Variants in AMZ2 observed in about 807,000 individuals in gnomAD.
AMZ2 encodes the protein archaemetzincin-2.
In AMZ2, 26 loss-of-function variants were observed where a neutral mutation model predicts 36.7. The observed-to-expected ratio is 0.71, with a 90% confidence interval of 0.52 to 0.98. AMZ2 has a LOEUF of 0.98. Among genes scored for constraint, AMZ2 ranks in the 50% least tolerant of loss-of-function variants. The probability of loss-of-function intolerance (pLI) is 0.00; values close to 1 mark genes in which losing one functional copy is unlikely to be tolerated. For missense variants in AMZ2, 394 were observed against 430.5 expected (o/e 0.92, Z 0.75); for synonymous variants, 144 against 149.1 (o/e 0.97, Z 0.25).
In AMZ2 at chr17:68,251,057, C is replaced by G. The variant is rs535829097; in HGVS notation, c.465C>G (p.Ile155Met). ...GTATTTCTTTTTAAATAGGGGACAT[C>G]CTGAAGTTCTTGAAAAAGAAGAAAC... ...THNLQIHAGD[I>M]LKFLKKKKPE... The change falls in exon 4 of 7, where the codon ATC (isoleucine) becomes ATG (methionine). Residue 155 changes from isoleucine (I) to methionine (M), a missense_variant. Coordinates refer to ENST00000359904, the MANE Select transcript of AMZ2 (RefSeq NM_016627.5). The G allele has an allele frequency of 6.2e-7, 1 of 1,610,716 alleles. No homozygotes were observed. Among genetic ancestry groups the G allele is most frequent in the African/African-American group, 1.3e-5 (1 of 74,658 alleles).
intron 4 of AMZ2, among the ~76,000 whole-genome samples, chr17:68,251,621 C>T (rs1270793198): frequency 2.0e-5 from 3 of 151,928 alleles, no homozygotes; most frequent in Non-Finnish European, 4.4e-5. Context: ...GAGCCATGAT[C>T]GAGCCACTGC....
intron 1 of AMZ2, among the ~76,000 whole-genome samples, chr17:68,232,623 G>A (rs559875520): frequency 2.6e-5 from 4 of 151,752 alleles, no homozygotes; most frequent in Admixed American, 1.3e-4. Flanking sequence ...TGGGTGGTTC[G>A]CTTGAAGTCA....
At chr17:68,214,903 T>TC (rs2073158164) in intron 1 of AMZ2, among the ~76,000 whole-genome samples, 1 of 152,052 alleles carries the variant, frequency 6.6e-6, no homozygotes, top group Admixed American at 6.6e-5. Flanking sequence ...CCTGCTTCAG[T>TC]CCCGCAAATA....
At chr17:68,254,714 C>A in intron 5 of AMZ2, 147 bp downstream of exon 5, 1 of 701,986 alleles carries the variant, frequency 1.4e-6, no homozygotes, top group Non-Finnish European at 2.3e-6. Context: ...CTGAAATGAT[C>A]AGTAAAACAA....
chr17:68,247,826 G>C, upstream of AMZ2: 1 of 985,594 alleles, frequency 1.0e-6, no homozygotes. Context: ...GACTGCGGGG[G>C]TGGACAGCTG....
intron 1 of AMZ2, among the ~76,000 whole-genome samples, chr17:68,242,603 G>A (rs1216311600): frequency 1.3e-5 from 2 of 151,950 alleles, no homozygotes; most frequent in African/African-American, 2.4e-5. Flanking sequence ...AGTAGAGATG[G>A]GGTTTCACCT....
intron 4 of AMZ2, among the ~76,000 whole-genome samples, chr17:68,253,523 C>T (rs2074649106): frequency 2.6e-5 from 4 of 152,068 alleles, no homozygotes; most frequent in Admixed American, 1.3e-4. Context: ...GGTCACCAGA[C>T]ACTAGTGACA....
chr17:68,216,256 C>G (rs2073190129), intron 1 of AMZ2, among the ~76,000 whole-genome samples: 2 of 152,256 alleles, frequency 1.3e-5, no homozygotes, highest in Admixed American at 6.5e-5. Flanking sequence ...ACCTCAGCCC[C>G]CCTAGGAGCT....
At chr17:68,232,425 G>A (rs1555731468) in intron 1 of AMZ2, among the ~76,000 whole-genome samples, 1 of 150,230 alleles carries the variant, frequency 6.7e-6, no homozygotes, top group African/African-American at 2.5e-5. Flanking sequence ...GAGTCTGGGA[G>A]TCTGAGGCTA....
intron 1 of AMZ2, among the ~76,000 whole-genome samples, chr17:68,211,738 G>GTATATA (rs879948462): frequency 0.019 from 1,890 of 99,556 alleles, 21 homozygotes; most frequent in Non-Finnish European, 0.028. Flanking sequence ...ATGTATATAT[G>GTATATA]TGTATATGTA....
At chr17:68,236,032 G>T (rs1161299964) in intron 1 of AMZ2, among the ~76,000 whole-genome samples, 5 of 151,982 alleles carry the variant, frequency 3.3e-5, no homozygotes, top group Admixed American at 6.6e-5. Context: ...GTTTTGTTAC[G>T]TTGGCCAGGC....
At chr17:68,244,791 G>A (rs1489947275), upstream of AMZ2, among the ~76,000 whole-genome samples, 7 of 152,212 alleles carry the variant, frequency 4.6e-5, no homozygotes, top group African/African-American at 1.7e-4. Flanking sequence ...CAAACAGCTT[G>A]GCCAAATTAG....
chr17:68,247,870 G>A (rs1467112591), upstream of AMZ2: 1 of 985,534 alleles, frequency 1.0e-6, no homozygotes, highest in African/African-American at 1.7e-5. Flanking sequence ...CTCTATTCTG[G>A]AAGAGGCGGG....
chr17:68,211,822 A>ATATATGTATATGTATATG (rs2073071153), intron 1 of AMZ2, among the ~76,000 whole-genome samples: 1 of 144,524 alleles, frequency 6.9e-6, no homozygotes, highest in Non-Finnish European at 1.5e-5. Context: ...ATGTATGTGT[A>ATATATGTATATGTATATG]TGTATATGTA....
chr17:68,223,884 T>TTTTATATA (rs71142151), intron 1 of AMZ2, among the ~76,000 whole-genome samples: 4 of 86,656 alleles, frequency 4.6e-5, no homozygotes, highest in African/African-American at 2.3e-4. Flanking sequence ...CCCAGCTAAT[T>TTTTATATA]TATATATATA....
chr17:68,225,921 C>A (rs556025758), intron 1 of AMZ2, among the ~76,000 whole-genome samples: 3 of 152,118 alleles, frequency 2.0e-5, no homozygotes, highest in Non-Finnish European at 4.4e-5. Flanking sequence ...CTGCACCCAG[C>A]CTTAATGTTC....
intron 1 of AMZ2, among the ~76,000 whole-genome samples, chr17:68,236,011 G>A (rs1370885112): frequency 6.6e-6 from 1 of 151,904 alleles, no homozygotes; most frequent in Admixed American, 6.6e-5. Flanking sequence ...TGTATTTTTA[G>A]TACAGATGGG....
chr17:68,239,810 GT>G (rs1432330006), intron 1 of AMZ2, among the ~76,000 whole-genome samples: 1 of 152,014 alleles, frequency 6.6e-6, no homozygotes, highest in Non-Finnish European at 1.5e-5. Context: ...CCCCCCACCA[GT>G]TTTTTGTGCA....
chr17:68,250,591 C>T (rs530011803), intron 2 of AMZ2, 121 bp downstream of exon 2: 324 of 1,351,992 alleles, frequency 2.4e-4, no homozygotes, highest in Middle Eastern at 1.1e-3. Context: ...ATATTCATTG[C>T]GGCGGTACAA....
Sources: allele counts gnomAD v4.1 joint callset (sites outside exome capture counted in the v4.1 genomes callset), GRCh38; gene constraint gnomAD v4.1.1; transcripts MANE v1.5; gene names NCBI Gene and HGNC (gene_info 2026-07-23, HGNC 2026-07-21).